DCDC1: variants seen among roughly 807,000 people sequenced by gnomAD.
DCDC1 encodes the protein doublecortin domain containing 1.
A neutral mutation model predicts 178.3 loss-of-function variants in DCDC1; 200 were observed. That is an observed-to-expected ratio of 1.12 (90% CI 1.00 to 1.26). The LOEUF is 1.26. DCDC1 is among the 50% of genes most tolerant of loss of function. The pLI is 0.00. For synonymous variants in DCDC1, 690 were observed against 604.8 expected, an observed-to-expected ratio of 1.14 and a Z score of -2.07; for missense variants, 1,983 against 1,749.2, an observed-to-expected ratio of 1.13 and a Z score of -2.38.
chr11:31,239,529 G>C (rs1243287600), intron 9 of DCDC1, among the ~76,000 whole-genome samples: 1 of 151,948 alleles, frequency 6.6e-6, no homozygotes, highest in Non-Finnish European at 1.5e-5. Flanking sequence ...AATACATAAT[G>C]AGCAAACTTC....
At chr11:31,278,179 T>A (rs894745481) in intron 7 of DCDC1, among the ~76,000 whole-genome samples, 2 of 152,134 alleles carry the variant, frequency 1.3e-5, no homozygotes, top group African/African-American at 4.8e-5. Context: ...TCAAGAATGA[T>A]TTACCCATGT....
At chr11:31,082,820 A>G (rs1466853414) in intron 17 of DCDC1, among the ~76,000 whole-genome samples, 4 of 152,142 alleles carry the variant, frequency 2.6e-5, no homozygotes, top group Non-Finnish European at 5.9e-5. Context: ...GACAGCCTCA[A>G]ATGGCTCTGG....
At chr11:31,344,239 A>C (rs1950698874) in intron 1 of DCDC1, among the ~76,000 whole-genome samples, 1 of 152,226 alleles carries the variant, frequency 6.6e-6, no homozygotes, top group East Asian at 1.9e-4. Flanking sequence ...ATACTATGGT[A>C]CTCTAAAGAA....
intron 11 of DCDC1, among the ~76,000 whole-genome samples, chr11:31,119,899 A>T (rs1171206769): frequency 6.6e-6 from 1 of 152,296 alleles, no homozygotes; most frequent in Non-Finnish European, 1.5e-5. Flanking sequence ...TGGTTTTGCT[A>T]ATCTGTTCAT....
intron 9 of DCDC1, among the ~76,000 whole-genome samples, chr11:31,204,550 C>T (rs768556312): frequency 6.6e-6 from 1 of 152,058 alleles, no homozygotes; most frequent in Non-Finnish European, 1.5e-5. Context: ...AAATGATAGC[C>T]GGGGGCTCAT....
intron 11 of DCDC1, among the ~76,000 whole-genome samples, chr11:31,112,998 G>A (rs896730111): frequency 2.6e-5 from 4 of 152,116 alleles, no homozygotes; most frequent in Admixed American, 1.3e-4. Context: ...CACAACAAAT[G>A]AGTAAATCAT....
intron 9 of DCDC1, among the ~76,000 whole-genome samples, chr11:31,231,163 A>G (rs191083152): frequency 6.2e-4 from 94 of 151,964 alleles, no homozygotes; most frequent in African/African-American, 1.9e-3. Context: ...GTGTCTCCCT[A>G]TGTTGCCCAG....
At chr11:31,357,019 C>G (rs561243619) in intron 1 of DCDC1, among the ~76,000 whole-genome samples, 14,026 of 150,742 alleles carry the variant, frequency 0.093, 930 homozygotes, top group Non-Finnish European at 0.14. Context: ...CAAGGAGGAA[C>G]TGGTACCATT....
chr11:30,924,012 T>G (rs1246822902), intron 23 of DCDC1, among the ~76,000 whole-genome samples: 3 of 152,334 alleles, frequency 2.0e-5, no homozygotes, highest in South Asian at 4.1e-4. Context: ...CATGTTACTC[T>G]TCAGAGCAGT....
chr11:30,985,188 T>C (rs1950577934), intron 20 of DCDC1, among the ~76,000 whole-genome samples: 1 of 152,178 alleles, frequency 6.6e-6, no homozygotes, highest in Non-Finnish European at 1.5e-5. Flanking sequence ...TAATTGTGAA[T>C]CTTAAAAGAT....
intron 20 of DCDC1, among the ~76,000 whole-genome samples, chr11:30,987,719 C>A (rs1365566470): frequency 6.6e-6 from 1 of 152,210 alleles, no homozygotes; most frequent in East Asian, 1.9e-4. Context: ...ACCCATGGCC[C>A]ATTGGCCACA....
At chr11:30,896,393 G>T (rs901032960) in intron 34 of DCDC1, among the ~76,000 whole-genome samples, 1 of 152,176 alleles carries the variant, frequency 6.6e-6, no homozygotes, top group African/African-American at 2.4e-5. Flanking sequence ...GGGAAAATAA[G>T]CTGGGGATTC....
intron 11 of DCDC1, among the ~76,000 whole-genome samples, chr11:31,123,765 G>C (rs1364601568): frequency 1.3e-5 from 2 of 152,018 alleles, no homozygotes; most frequent in African/African-American, 2.4e-5. Context: ...AGAATGCCTG[G>C]GATGTGGGAG....
At chr11:30,960,571 T>C (rs770526428) in intron 20 of DCDC1, among the ~76,000 whole-genome samples, 4 of 152,142 alleles carry the variant, frequency 2.6e-5, no homozygotes, top group Non-Finnish European at 5.9e-5. Context: ...TCCTAATTCT[T>C]AAAAGCTAGC....
chr11:31,181,878 A>G (rs1968846243), intron 9 of DCDC1, among the ~76,000 whole-genome samples: 2 of 152,242 alleles, frequency 1.3e-5, no homozygotes, highest in South Asian at 2.1e-4. Context: ...TAGAATAACC[A>G]GTTTAGAAAA....
At chr11:31,087,279 T>C (rs1370028720) in intron 17 of DCDC1, among the ~76,000 whole-genome samples, 1 of 152,078 alleles carries the variant, frequency 6.6e-6, no homozygotes, top group Non-Finnish European at 1.5e-5. Flanking sequence ...GACTAGAGAT[T>C]TATTAGTTTT....
intron 20 of DCDC1, among the ~76,000 whole-genome samples, chr11:30,980,252 T>A (rs996169855): frequency 6.6e-6 from 1 of 152,192 alleles, no homozygotes; most frequent in African/African-American, 2.4e-5. Context: ...TATGTAGCCA[T>A]GGCAACTTCC....
intron 9 of DCDC1, among the ~76,000 whole-genome samples, chr11:31,181,172 C>A (rs1372121541): frequency 1.3e-5 from 2 of 152,210 alleles, no homozygotes; most frequent in South Asian, 4.1e-4. Flanking sequence ...TAGATTCCTC[C>A]TCTCTGGGCA....
intron 20 of DCDC1, among the ~76,000 whole-genome samples, chr11:30,991,571 C>T (rs540652716): frequency 4.6e-4 from 70 of 152,180 alleles, no homozygotes; most frequent in Non-Finnish European, 7.4e-4. Flanking sequence ...CATGCACCAC[C>T]GACGTCACTA....
Sources: gnomAD v4.1 joint callset for allele counts (sites outside exome capture counted in the v4.1 genomes callset) on GRCh38, gnomAD v4.1.1 for gene constraint, MANE v1.5 for transcripts, NCBI Gene and HGNC (gene_info 2026-07-23, HGNC 2026-07-21) for gene names.